Variants in PRKG1 observed in about 807,000 individuals in gnomAD.
The protein encoded by PRKG1 is cGMP-dependent protein kinase 1.
In PRKG1, 35 loss-of-function variants were observed where a neutral mutation model predicts 88.1. That is an observed-to-expected ratio of 0.40 (90% confidence interval 0.30 to 0.53). PRKG1 has a LOEUF of 0.53. Ranked by LOEUF, PRKG1 falls within the 20% of genes least tolerant of loss-of-function variation. The pLI is 0.59. For synonymous variants in PRKG1, 303 were observed against 292.5 expected (o/e 1.04, Z -0.37); for missense variants, 540 against 839.8 (o/e 0.64, Z 4.41).
intron 4 of PRKG1, among the ~76,000 whole-genome samples, chr10:51,880,220 GA>G (rs1186580980): frequency 6.7e-6 from 1 of 149,814 alleles, no homozygotes; most frequent in Non-Finnish European, 1.5e-5. Context: ...GAATTAAATA[GA>G]AAGTAATTAG....
At chr10:52,025,662 C>G (rs1311249550) in intron 5 of PRKG1, among the ~76,000 whole-genome samples, 5 of 151,506 alleles carry the variant, frequency 3.3e-5, no homozygotes, top group Non-Finnish European at 7.4e-5. Flanking sequence ...TTTCTGAGGT[C>G]TCTGTTCTGT....
intron 4 of PRKG1, among the ~76,000 whole-genome samples, chr10:51,863,169 T>TA (rs1840930879): frequency 6.6e-6 from 1 of 152,042 alleles, no homozygotes; most frequent in African/African-American, 2.4e-5. Flanking sequence ...ATGACCCTGA[T>TA]ATGATATCCT....
chr10:51,377,922 G>C (rs879606631), intron 2 of PRKG1, among the ~76,000 whole-genome samples: 1 of 152,296 alleles, frequency 6.6e-6, no homozygotes, highest in East Asian at 1.9e-4. Context: ...TCTGAAGGTT[G>C]AGAGACCTGG....
chr10:52,090,158 C>T lies in PRKG1; in HGVS notation c.935+27527C>T, dbSNP rs560998022. 2.6e-5 allele frequency among the ~76,000 whole-genome samples: 4 copies of T among 152,146 alleles called. No homozygotes were observed. In the East Asian group the frequency reaches 7.7e-4, roughly 29 times the overall value. ...CCATTACTCCATAAAGAAACCAGAA[C>T]TCCTTGGAGAAATGGCTAATTCTAT... On this transcript the variant is annotated intron_variant, in intron 7 of 17. Transcript: ENST00000373980.
chr10:51,065,276 A>G (rs1843735878), intron 1 of PRKG1, among the ~76,000 whole-genome samples: 1 of 152,144 alleles, frequency 6.6e-6, no homozygotes, highest in South Asian at 2.1e-4. Context: ...GTTACATAAA[A>G]GAGCACTGTA....
intron 4 of PRKG1, among the ~76,000 whole-genome samples, chr10:51,871,554 G>A (rs1841158940): frequency 6.6e-6 from 1 of 152,214 alleles, no homozygotes; most frequent in African/African-American, 2.4e-5. Flanking sequence ...GCCCCAAGCT[G>A]TCAGTGCTGT....
chr10:51,616,678 G>A (rs1839064950), intron 3 of PRKG1, among the ~76,000 whole-genome samples: 1 of 152,164 alleles, frequency 6.6e-6, no homozygotes, highest in Non-Finnish European at 1.5e-5. Flanking sequence ...TCTGGGTGGT[G>A]TGTGCAGTTA....
chr10:52,203,849 G>A lies in PRKG1; in HGVS notation c.1076+41886G>A, dbSNP rs548803272. ...GAATAGCAACCCATGCTTTTGTTTT[G>A]TTTTGTTTTTCATTTACTTGGTAGA... On this transcript the variant is annotated intron_variant, in intron 9 of 17. Coordinates refer to ENST00000373980, the MANE Select transcript of PRKG1 (RefSeq NM_006258.4). 3.3e-5 allele frequency among the ~76,000 whole-genome samples: 5 copies of A among 152,024 alleles called. No homozygotes were observed. In the South Asian group the frequency reaches 8.3e-4, roughly 25 times the overall value.
intron 9 of PRKG1, among the ~76,000 whole-genome samples, chr10:52,204,652 TCTTTA>T (rs1271382605): frequency 6.6e-6 from 1 of 152,194 alleles, no homozygotes; most frequent in East Asian, 1.9e-4. Context: ...CCTATGCCGG[TCTTTA>T]CTTTAATCTC....
In PRKG1 at chr10:51,756,484, C is replaced by CAAAA. The variant is rs55967411; in HGVS notation, c.593-48088_593-48085dup. 2.1e-4 allele frequency among the ~76,000 whole-genome samples: 23 copies of CAAAA among 107,940 alleles called. 1 individual carries two copies. The highest frequency in any genetic ancestry group is 6.2e-4 in the African/African-American group (17 of 27,250). The allele number at this position is 107,940 out of a possible 152,430, so 70.8% of individuals were successfully genotyped here. A position where few individuals can be genotyped will look rare whatever the true frequency, so the allele number is the denominator to read the frequency against. ...CATGGGCAACAGAGTGAGACTGTCT[C>CAAAA]AAAAAAAAAAAAAAAAGTCAGTAGA... On this transcript the variant is annotated intron_variant, in intron 3 of 17. Transcript: ENST00000373980.
chr10:51,972,704 C>T (rs944527870), intron 5 of PRKG1, among the ~76,000 whole-genome samples: 20 of 152,108 alleles, frequency 1.3e-4, no homozygotes, highest in Non-Finnish European at 1.5e-5. Context: ...TCTGACCTGT[C>T]CCTTACTTCT....
intron 5 of PRKG1, among the ~76,000 whole-genome samples, chr10:51,915,796 G>T (rs1842326179): frequency 6.6e-6 from 1 of 152,050 alleles, no homozygotes; most frequent in Non-Finnish European, 1.5e-5. Flanking sequence ...AAAAGCACTT[G>T]AATAGACCTT....
chr10:52,246,876 C>CAAAAAA (rs756775020), intron 9 of PRKG1, among the ~76,000 whole-genome samples: 4 of 57,208 alleles, frequency 7.0e-5, no homozygotes, highest in Non-Finnish European at 1.3e-4. Flanking sequence ...AACACAGTCT[C>CAAAAAA]AAAAAAAAAA....
chr10:52,190,774 G>T (rs1308795021), intron 9 of PRKG1, among the ~76,000 whole-genome samples: 3 of 152,088 alleles, frequency 2.0e-5, no homozygotes, highest in Non-Finnish European at 4.4e-5. Flanking sequence ...AGCAGAGAAA[G>T]TGGTGCAATG....
intron 1 of PRKG1, among the ~76,000 whole-genome samples, chr10:51,032,546 G>A (rs1262354925): frequency 6.6e-6 from 1 of 152,098 alleles, no homozygotes; most frequent in Non-Finnish European, 1.5e-5. Flanking sequence ...TTCACTTAAA[G>A]TCAGGAGTTC....
At chr10:51,730,658 AC>A (rs1342536244) in intron 3 of PRKG1, among the ~76,000 whole-genome samples, 3 of 152,222 alleles carry the variant, frequency 2.0e-5, no homozygotes, top group African/African-American at 7.2e-5. Flanking sequence ...CACGTATCTG[AC>A]AAAAAATTAT....
chr10:52,233,168 G>T (rs1224736207), intron 9 of PRKG1, among the ~76,000 whole-genome samples: 1 of 114,562 alleles, frequency 8.7e-6, no homozygotes, highest in African/African-American at 2.9e-5. Flanking sequence ...AATAACTTAG[G>T]TGAGGAAAAG....
chr10:52,231,957 C>T (rs1840533807), intron 9 of PRKG1, among the ~76,000 whole-genome samples: 1 of 152,164 alleles, frequency 6.6e-6, no homozygotes. Flanking sequence ...ACAGTGCAAG[C>T]CAAATAACTC....
intron 5 of PRKG1, among the ~76,000 whole-genome samples, chr10:51,929,386 G>A (rs886397641): frequency 5.3e-5 from 7 of 132,832 alleles, no homozygotes; most frequent in Middle Eastern, 5.1e-3. Context: ...AGTCTCATTC[G>A]GTGGCCCAGG....
Sources: allele counts gnomAD v4.1 joint callset (sites outside exome capture counted in the v4.1 genomes callset), GRCh38; gene constraint gnomAD v4.1.1; transcripts MANE v1.5; gene names NCBI Gene and HGNC (gene_info 2026-07-23, HGNC 2026-07-21).